The following AFAP1 variants were observed in gnomAD, a reference collection of about 807,000 sequenced individuals.
The protein encoded by AFAP1 is actin filament associated protein 1, also known as actin filament-associated protein 1.
AFAP1 carries 75 observed loss-of-function variants against 93.9 expected under a neutral mutation model. That is an observed-to-expected ratio of 0.80 (90% confidence interval 0.66 to 0.97). AFAP1 has a LOEUF of 0.97. Among genes scored for constraint, AFAP1 ranks in the 50% least tolerant of loss-of-function variants. AFAP1 has a pLI of 0.00. For missense variants in AFAP1, 1,201 were observed against 1,050.8 expected (o/e 1.14, Z -1.98); for synonymous variants, 517 against 430.7 (o/e 1.20, Z -2.48).
chr4:7,827,100 C>T (rs942720642), intron 6 of AFAP1, among the ~76,000 whole-genome samples: 6 of 152,040 alleles, frequency 3.9e-5, no homozygotes, highest in South Asian at 2.1e-4. Context: ...GAAAAGATGA[C>T]GTCATCAGCT....
In AFAP1 at chr4:7,868,602, A is replaced by G; in HGVS notation, c.225+20T>C. On this transcript the variant is annotated intron_variant, in intron 3 of 17. Coordinates refer to ENST00000420658, the MANE Select transcript of AFAP1 (RefSeq NM_001134647.2). ...CAGGCCTCCAGCGATGACCACTGAG[A>G]TGGTGGGACCTTGACTCACCAGCCA... 1 of 1,606,364 alleles carries G rather than the reference A, an allele frequency of 6.2e-7. No individual in the cohort carries two copies. The highest frequency in any genetic ancestry group is 1.1e-5 in the South Asian group (1 of 90,564).
intron 1 of AFAP1, among the ~76,000 whole-genome samples, chr4:7,931,885 G>C (rs1000495994): frequency 2.0e-5 from 3 of 151,884 alleles, no homozygotes; most frequent in African/African-American, 7.3e-5. Context: ...TTTTGAGACG[G>C]AGTCTCACTT....
chr4:7,815,945 A>G lies in AFAP1; in HGVS notation c.904+73T>C, dbSNP rs1040980622. 235 of 1,380,790 alleles carry G rather than the reference A, an allele frequency of 1.7e-4. 1 individual carries two copies. The highest frequency in any genetic ancestry group is 2.1e-4 in the Non-Finnish European group (213 of 1,002,850). 85.5% of individuals were successfully genotyped at this position (1,380,790 alleles called of 1,614,324 possible). A position where few individuals can be genotyped will look rare whatever the true frequency, so the allele number is the denominator to read the frequency against. On this transcript the variant is annotated intron_variant, in intron 8 of 17. Coordinates refer to ENST00000420658, the MANE Select transcript of AFAP1 (RefSeq NM_001134647.2). ...CATTTTTCGTACAATCAGACTTTACAAACCTGGCTGTAGATTTTTGTTTTT... is the reference window on the plus strand; with the variant it reads ...CATTTTTCGTACAATCAGACTTTACGAACCTGGCTGTAGATTTTTGTTTTT...
At chr4:7,778,617 G>C (rs2269878) in intron 14 of AFAP1, 145 bp downstream of exon 14, 1 of 787,638 alleles carries the variant, frequency 1.3e-6, no homozygotes, top group Non-Finnish European at 2.2e-6. Flanking sequence ...CTTCTATGTG[G>C]CTGATGAGGA....
intron 1 of AFAP1, among the ~76,000 whole-genome samples, chr4:7,886,124 A>G (rs767189639): frequency 2.0e-5 from 3 of 152,248 alleles, no homozygotes; most frequent in Non-Finnish European, 4.4e-5. Flanking sequence ...CCTCAGCTGG[A>G]CTGCATCTAA....
chr4:7,812,941 C>T (rs1720178093), intron 8 of AFAP1, among the ~76,000 whole-genome samples: 1 of 152,148 alleles, frequency 6.6e-6, no homozygotes, highest in Non-Finnish European at 1.5e-5. Context: ...TCACAGCCCC[C>T]AAACAGAAGG....
Position 7,843,268 on chromosome 4 carries a change from G to A in AFAP1, c.417C>T (p.His139=), listed in dbSNP as rs774135513. 1 of 1,614,156 alleles carries A rather than the reference G, an allele frequency of 6.2e-7. No individual in the cohort carries two copies. The highest frequency in any genetic ancestry group is 8.5e-7 in the Non-Finnish European group (1 of 1,180,028). The change falls in exon 5 of 18, where the codon CAC becomes CAT. Residue 139 remains histidine, a synonymous_variant. Coordinates refer to ENST00000420658, the MANE Select transcript of AFAP1 (RefSeq NM_001134647.2). The part of the protein sequence containing the change: ...EEDGKGKKTR[H]QWPSEEASMD... ...TGGAGGCCTCCTCGGAGGGCCACTGGTGCCGGGTTTTCTTCCCCTTCCCAT... is the reference window on the plus strand; with the variant it reads ...TGGAGGCCTCCTCGGAGGGCCACTGATGCCGGGTTTTCTTCCCCTTCCCAT...
At chr4:7,884,535 G>C (rs1718035106) in intron 1 of AFAP1, among the ~76,000 whole-genome samples, 1 of 152,064 alleles carries the variant, frequency 6.6e-6, no homozygotes. Flanking sequence ...CGGATCCATA[G>C]AACAGAATAA....
At chr4:7,887,423 C>T (rs1029226896) in intron 1 of AFAP1, among the ~76,000 whole-genome samples, 3 of 152,130 alleles carry the variant, frequency 2.0e-5, no homozygotes, top group African/African-American at 7.2e-5. Flanking sequence ...GAAAATGCAT[C>T]TAACCAACAA....
chr4:7,860,950 G>T (rs1315521299), intron 3 of AFAP1, among the ~76,000 whole-genome samples: 1 of 152,152 alleles, frequency 6.6e-6, no homozygotes, highest in Non-Finnish European at 1.5e-5. Context: ...CTCGTGGCTG[G>T]CACTCCGCCC....
At chr4:7,909,813 G>C (rs898677343) in intron 1 of AFAP1, among the ~76,000 whole-genome samples, 4 of 152,086 alleles carry the variant, frequency 2.6e-5, no homozygotes, top group Non-Finnish European at 4.4e-5. Flanking sequence ...ATTTCAACTG[G>C]TCTGGAGTCA....
chr4:7,868,572 A>T (rs371728700), intron 3 of AFAP1, 50 bp downstream of exon 3: 4 of 1,540,094 alleles, frequency 2.6e-6, no homozygotes, highest in Middle Eastern at 1.8e-4. Flanking sequence ...GCCCGTAAGT[A>T]CCCCCAGGCC....
At chr4:7,799,719 G>A (rs1001976978) in intron 10 of AFAP1, among the ~76,000 whole-genome samples, 4 of 152,164 alleles carry the variant, frequency 2.6e-5, no homozygotes, top group African/African-American at 4.8e-5. Flanking sequence ...GGAAAAAAAG[G>A]TCTAAAACTG....
chr4:7,842,954 G>A, intron 5 of AFAP1, 185 bp downstream of exon 5: 1 of 614,062 alleles, frequency 1.6e-6, no homozygotes, highest in Non-Finnish European at 2.8e-6. Context: ...ACACAACACG[G>A]GCGAGTGCTC....
chr4:7,872,949 A>AC (rs1560213677), intron 1 of AFAP1, among the ~76,000 whole-genome samples: 1 of 149,512 alleles, frequency 6.7e-6, no homozygotes, highest in African/African-American at 2.5e-5. Context: ...TAAAAAAAAA[A>AC]AAAAAAAAAA....
chr4:7,806,271 A>G (rs181684114), intron 9 of AFAP1, among the ~76,000 whole-genome samples: 58 of 152,348 alleles, frequency 3.8e-4, no homozygotes, highest in African/African-American at 1.3e-3. Context: ...TCCTCGCCAC[A>G]TTAATATGAA....
rs183073889 is a variant in AFAP1 at position 7,896,027 on chromosome 4, A to T, written c.-2-23947T>A. Among the ~76,000 whole-genome samples the T allele has an allele frequency of 7.9e-5, 12 of 151,908 alleles. No individual in the cohort carries two copies. The East Asian group carries it at 2.3e-3, about 30-fold the overall frequency. On this transcript the variant is annotated intron_variant, in intron 1 of 17. Coordinates refer to ENST00000420658, the MANE Select transcript of AFAP1 (RefSeq NM_001134647.2). ...AGGCATGTGCCACCACACCCGGCTA[A>T]TTTTTGTACTTTTAGTAGAGACTGG...
intron 15 of AFAP1, 99 bp downstream of exon 15, chr4:7,774,640 C>A (rs971609174): frequency 1.4e-6 from 2 of 1,472,736 alleles, no homozygotes; most frequent in Non-Finnish European, 1.8e-6. Flanking sequence ...AATAAAATGA[C>A]AGCCTTGGTG....
At chr4:7,848,233 T>TGGAGGGACGGAG (rs1714028894) in intron 4 of AFAP1, among the ~76,000 whole-genome samples, 1 of 33,718 alleles carries the variant, frequency 3.0e-5, no homozygotes, top group African/African-American at 1.1e-4. Flanking sequence ...GAGGGACGGA[T>TGGAGGGACGGAG]GGAGGGAGGA....
Sources: allele counts gnomAD v4.1 joint callset (sites outside exome capture counted in the v4.1 genomes callset), GRCh38; gene constraint gnomAD v4.1.1; transcripts MANE v1.5; gene names NCBI Gene and HGNC (gene_info 2026-07-23, HGNC 2026-07-21).